Variants in TMEM63A observed in about 807,000 individuals in gnomAD.
The protein encoded by TMEM63A is mechanosensitive cation channel TMEM63A.
In TMEM63A, 76 loss-of-function variants were observed where a neutral mutation model predicts 100.6. The ratio of observed to expected loss-of-function variants is 0.76; its 90% CI spans 0.63 to 0.91. The LOEUF (loss-of-function observed/expected upper bound fraction) is 0.91. TMEM63A is among the 40% of genes least tolerant of loss of function. The pLI is 0.00. For synonymous variants in TMEM63A, 401 were observed against 401.1 expected (o/e 1.00, Z 0.00); for missense variants, 876 against 1,008.8 (o/e 0.87, Z 1.78).
intron 6 of TMEM63A, 141 bp downstream of exon 6, chr1:225,870,935 T>C: frequency 1.2e-6 from 1 of 825,532 alleles, no homozygotes; most frequent in Admixed American, 2.6e-5. Flanking sequence ...AGCCCTCACA[T>C]ACTGCTTTGG....
At chr1:225,868,474 G>C (rs568522857) in intron 6 of TMEM63A, among the ~76,000 whole-genome samples, 66 of 151,538 alleles carry the variant, frequency 4.4e-4, no homozygotes, top group African/African-American at 1.4e-3. Context: ...TCAGGAGTTC[G>C]AGACCAGCCT....
chr1:225,853,601 G>T lies in TMEM63A; in HGVS notation c.1797+28C>A. 3.3e-6 allele frequency: 5 copies of T among 1,517,886 alleles called. No homozygotes were observed. The highest frequency in any genetic ancestry group is 4.4e-6 in the Non-Finnish European group (5 of 1,128,026). 94.0% of individuals were successfully genotyped at this position (1,517,886 alleles called of 1,614,324 possible). A position where few individuals can be genotyped will look rare whatever the true frequency, so the allele number is the denominator to read the frequency against. ...AGGGGGACATGGGAGGGAGTCAGAGGCACAGCCCTGGGCCCAGGGGATGGC... is the reference window on the plus strand; with the variant it reads ...AGGGGGACATGGGAGGGAGTCAGAGTCACAGCCCTGGGCCCAGGGGATGGC... On this transcript the variant is annotated intron_variant, in intron 19 of 24. Coordinates refer to ENST00000366835, the MANE Select transcript of TMEM63A (RefSeq NM_014698.3). This position sits in a 1 kb window ranked among gnomAD's most constrained non-coding sequence, Gnocchi z 4.0.
rs80024826 is a variant in TMEM63A, at chr1:225,877,583, C to A, written c.-3G>T. The A allele has an allele frequency of 2.2e-3, 3,564 of 1,611,890 alleles. 69 individuals carry two copies. The African/African-American group carries it at 0.039, about 18-fold the overall frequency. The stretch of plus-strand genomic sequence containing the variant: ...TCCAGGAACGGGGAGTCCATCATCG[C>A]GCCTGTCTTCCCTGGAGCACAGGAC... On this transcript the variant is annotated 5_prime_UTR_variant, in exon 3 of 25. Coordinates refer to ENST00000366835, the MANE Select transcript of TMEM63A (RefSeq NM_014698.3).
At chr1:225,848,850 C>A in intron 22 of TMEM63A, 47 bp downstream of exon 22, 2 of 1,449,376 alleles carry the variant, frequency 1.4e-6, no homozygotes, top group South Asian at 1.2e-5. Context: ...GTCCCACCAT[C>A]TGTTCCTCCC....
intron 6 of TMEM63A, 69 bp from the exon 7 acceptor site, chr1:225,868,099 A>C: frequency 6.3e-7 from 1 of 1,581,494 alleles, no homozygotes; most frequent in Non-Finnish European, 8.6e-7. Context: ...GAAGTGTCTC[A>C]TATCATCCTC....
At chr1:225,876,795 C>T (rs957783155) in intron 3 of TMEM63A, among the ~76,000 whole-genome samples, 13 of 152,002 alleles carry the variant, frequency 8.6e-5, no homozygotes, top group South Asian at 8.3e-4. Context: ...TTACAGGCGC[C>T]GACCACCACA....
At position 225,865,629 on chromosome 1, in the gene TMEM63A, C is replaced by G. The variant is rs1365748292; in HGVS notation, c.746+268G>C. The G allele has an allele frequency of 2.3e-6, 1 of 432,532 alleles. No homozygotes were observed. Among genetic ancestry groups the G allele is most frequent in the African/African-American group, 2.0e-5 (1 of 51,016 alleles). The allele number at this position is 432,532 out of a possible 1,614,324, so 26.8% of individuals were successfully genotyped here. A position where few individuals can be genotyped will look rare whatever the true frequency, so the allele number is the denominator to read the frequency against. On this transcript the variant is annotated intron_variant, in intron 10 of 24. Transcript: ENST00000366835. This position sits in a 1 kb window ranked among gnomAD's most constrained non-coding sequence, Gnocchi z 4.6. ...TATGCTCTCAAGACGTTTATTCGCA[C>G]CTACACCCTGGTCTGTGCTCTGGAC...
At chr1:225,848,230 A>T in intron 23 of TMEM63A, 1 of 510,244 alleles carries the variant, frequency 2.0e-6, no homozygotes, top group Non-Finnish European at 3.5e-6. Flanking sequence ...ATATGCAGAG[A>T]AGGAAAGAGA....
At chr1:225,849,054 G>T in intron 21 of TMEM63A, 42 bp from the exon 22 acceptor site, 3 of 848,912 alleles carry the variant, frequency 3.5e-6, no homozygotes, top group South Asian at 2.8e-5. Flanking sequence ...GGCAGGGAGG[G>T]GCCACCACCT....
rs988463442 is a variant in TMEM63A, at chr1:225,845,908, G to A, written c.*1031C>T. On this transcript the variant is annotated 3_prime_UTR_variant, in exon 25 of 25. Transcript: ENST00000366835. ...AGGCCCCAGGCCAGTTGTGCTAGGAGCCTGGACCTGCTCTTCCACACCCCC... is the reference window on the plus strand; with the variant it reads ...AGGCCCCAGGCCAGTTGTGCTAGGAACCTGGACCTGCTCTTCCACACCCCC... 5.6e-6 allele frequency: 1 copy of A among 177,820 alleles called. No individual in the cohort carries two copies. Among genetic ancestry groups the A allele is most frequent in the African/African-American group, 2.4e-5 (1 of 42,008 alleles). The allele number at this position is 177,820 out of a possible 1,614,324, so 11.0% of individuals were successfully genotyped here.
At chr1:225,880,179 G>A (rs189385938) in intron 1 of TMEM63A, among the ~76,000 whole-genome samples, 1 of 152,306 alleles carries the variant, frequency 6.6e-6, no homozygotes, top group Admixed American at 6.5e-5. Context: ...AGGTCAGGTG[G>A]CCAGTCCTGT....
At position 225,848,539 on chromosome 1, in the gene TMEM63A, T is replaced by C. The variant is rs747537243; in HGVS notation, c.2203A>G (p.Ser735Gly). 1.1e-5 allele frequency: 18 copies of C among 1,614,020 alleles called. No individual in the cohort carries two copies. The African/African-American group carries it at 1.7e-4, about 16-fold the overall frequency. ...GCCTCTGCCTCACTTCCTTTGTCAC[T>C]TGCAGGCTCTTCTGTCTGCAGATAA... ...PLNYKTEEPA[S>G]DKGSEAEAHM... The change falls in exon 23 of 25, where the codon AGT (serine) becomes GGT (glycine). Residue 735 changes from serine to glycine, a missense_variant. Physicochemically the swap from Ser to Gly is moderately conservative, Grantham distance 56. Around this residue, in one of 5 missense-constraint regions of TMEM63A, gnomAD observed 339 missense variants for 342.3 expected, o/e 0.99. Transcript: ENST00000366835.
Position 225,848,942 on chromosome 1 carries a change from G to A in TMEM63A, c.2142C>T (p.His714=), listed in dbSNP as rs774228297. The A allele has an allele frequency of 1.9e-6, 3 of 1,605,074 alleles. No homozygotes were observed. The highest frequency in any genetic ancestry group is 1.7e-6 in the Non-Finnish European group (2 of 1,176,588). Residue 714 remains histidine (H), a synonymous_variant, in exon 22 of 25, where the codon CAC becomes CAT. Coordinates refer to ENST00000366835, the MANE Select transcript of TMEM63A (RefSeq NM_014698.3). ...GGTGCTTGAAGCATCCAAAGCAGGT[G>A]TGAGCCAGGCAGACCAGGATGGTGA... is the stretch of plus-strand genomic sequence containing the variant. ...LLLTILVCLA[H]TCFGCFKHLS...
downstream of TMEM63A, chr1:225,845,329 G>C (rs4149230): frequency 0.046 from 73,792 of 1,610,860 alleles, 2,265 homozygotes; most frequent in East Asian, 0.15. Flanking sequence ...AGTTCCTGTC[G>C]GTGCTGGAGC....
chr1:225,857,379 C>CGGGCGG (rs1553489769), intron 15 of TMEM63A, among the ~76,000 whole-genome samples: 2 of 112,716 alleles, frequency 1.8e-5, no homozygotes, highest in African/African-American at 8.8e-5. Context: ...TCCTGGCCGG[C>CGGGCGG]GGGGCGGGGG....
At chr1:225,866,067 AG>A (rs1270772837) in intron 9 of TMEM63A, 100 bp from the exon 10 acceptor site, 45 of 1,265,364 alleles carry the variant, frequency 3.6e-5, no homozygotes, top group Non-Finnish European at 4.7e-5. Context: ...AGTAAACAAC[AG>A]GAAATCAGAA....
At chr1:225,859,906 C>G (rs1022696027) in intron 14 of TMEM63A, 1 of 159,306 alleles carries the variant, frequency 6.3e-6, no homozygotes, top group Middle Eastern at 3.3e-3. Flanking sequence ...CTCAGCCTCT[C>G]GAAGTGCTGG....
rs745962785 is a variant in TMEM63A, at chr1:225,866,658, G to A, written c.591C>T (p.Thr197=). Residue 197 remains threonine, a synonymous_variant, in exon 9 of 25, where the codon ACC becomes ACT. Transcript: ENST00000366835. The part of the protein sequence containing the change: ...QTDNDLLWLH[T]IFAVIYLFLT... ...GGAAGAGGTAAATGACAGCAAAGAT[G>A]GTGTGCAGCCAAAGGAGGTCATTGC... 2 of 1,614,014 alleles carry A rather than the reference G, an allele frequency of 1.2e-6. No individual in the cohort carries two copies. The highest frequency in any genetic ancestry group is 2.2e-5 in the East Asian group (1 of 44,888).
At chr1:225,874,163 C>G (rs1670657064) in intron 4 of TMEM63A, 125 bp downstream of exon 4, 2 of 941,186 alleles carry the variant, frequency 2.1e-6, no homozygotes, top group Non-Finnish European at 3.1e-6. Context: ...CTAGCCCATT[C>G]CAGGGACACA....
Sources: allele counts gnomAD v4.1 joint callset (sites outside exome capture counted in the v4.1 genomes callset), GRCh38; gene constraint gnomAD v4.1.1; regional missense constraint gnomAD v4.1.1; non-coding constraint Gnocchi (gnomAD v3.1); transcripts MANE v1.5; gene names NCBI Gene and HGNC (gene_info 2026-07-23, HGNC 2026-07-21).